Variants in CYP39A1 observed in about 807,000 individuals in gnomAD.
CYP39A1 encodes cytochrome P450 family 39 subfamily A member 1.
In CYP39A1, 49 loss-of-function variants were observed where a neutral mutation model predicts 58.1. The observed-to-expected ratio is 0.84, with a 90% confidence interval of 0.67 to 1.07. The LOEUF (loss-of-function observed/expected upper bound fraction) is 1.07, where lower values mean the gene tolerates loss of function less well. Ranked by LOEUF, CYP39A1 falls within the 50% of genes least tolerant of loss-of-function variation. The pLI, the probability that CYP39A1 is intolerant of heterozygous loss-of-function variation, is 0.00. For synonymous variants in CYP39A1, 209 were observed against 187.6 expected, an observed-to-expected ratio of 1.11 and a Z score of -0.93; for missense variants, 531 against 539.4, an observed-to-expected ratio of 0.98 and a Z score of 0.16.
At chr6:46,615,031 C>A (rs990770409) in intron 7 of CYP39A1, among the ~76,000 whole-genome samples, 1 of 152,024 alleles carries the variant, frequency 6.6e-6, no homozygotes, top group African/African-American at 2.4e-5. Flanking sequence ...GATTCAAAGT[C>A]TTGGGTTGGT....
At position 46,651,495 on chromosome 6, in the gene CYP39A1, A is replaced by C. The variant is rs900271927; in HGVS notation, c.177+911T>G. The stretch of plus-strand genomic sequence containing the variant: ...GTTGTAAATACATAGGAAAATGACC[A>C]AAATAATATAAATACACTAAATTTT... On this transcript the variant is annotated intron_variant, in intron 1 of 11. Transcript: ENST00000275016. Among the ~76,000 whole-genome samples, 9 of 152,228 alleles carry C rather than the reference A, an allele frequency of 5.9e-5. No homozygotes were observed. In the South Asian group the frequency reaches 1.4e-3, roughly 25 times the overall value.
chr6:46,614,930 C>T (rs907182609), intron 7 of CYP39A1, among the ~76,000 whole-genome samples: 4 of 152,100 alleles, frequency 2.6e-5, no homozygotes, highest in East Asian at 1.9e-4. Flanking sequence ...TACTGAATGA[C>T]GCTGTGTCCC....
At chr6:46,592,759 C>T (rs1436828503) in intron 8 of CYP39A1, among the ~76,000 whole-genome samples, 2 of 152,088 alleles carry the variant, frequency 1.3e-5, no homozygotes, top group Admixed American at 1.3e-4. Context: ...AGTTCCAGAC[C>T]AGTCTGGCCA....
Position 46,550,368 on chromosome 6 carries a change from A to G in CYP39A1, c.1408T>C (p.Ter470ArgextTer23), listed in dbSNP as rs150008929. The G allele has an allele frequency of 2.0e-5, 32 of 1,612,552 alleles. No homozygotes were observed. Among genetic ancestry groups the G allele is most frequent in the Non-Finnish European group, 2.3e-5 (27 of 1,179,338 alleles). Residue 470 changes from the stop codon to arginine (R), a stop_lost, in exon 12 of 12, where the codon TGA becomes CGA. Transcript: ENST00000275016. ...QCRIEYKQRI[*>R] ...GTCCTTGTGAGGCCCAACAGATGTC[A>G]TATTCTTTGTTTATATTCAATTCGG...
chr6:46,585,297 C>T (rs751285568), intron 10 of CYP39A1, among the ~76,000 whole-genome samples: 10 of 151,262 alleles, frequency 6.6e-5, no homozygotes, highest in Admixed American at 4.6e-4. Flanking sequence ...AGGATGATTA[C>T]AATAAATTAT....
chr6:46,580,810 C>T (rs980700234), intron 10 of CYP39A1, among the ~76,000 whole-genome samples: 4 of 152,122 alleles, frequency 2.6e-5, no homozygotes, highest in Non-Finnish European at 5.9e-5. Context: ...TAACGTCTCA[C>T]ATCATTCAGA....
intron 5 of CYP39A1, 99 bp from the exon 6 acceptor site, chr6:46,631,169 T>A: frequency 2.1e-6 from 2 of 953,148 alleles, no homozygotes; most frequent in South Asian, 3.0e-5. Context: ...ATGAAAGATA[T>A]CATTTCTGCC....
chr6:46,564,137 TCTA>T (rs1771144726), intron 10 of CYP39A1, among the ~76,000 whole-genome samples: 1 of 123,100 alleles, frequency 8.1e-6, no homozygotes, highest in African/African-American at 4.9e-5. Flanking sequence ...TCTATTTTAT[TCTA>T]TTCTATTTTA....
rs991048861 is a variant in CYP39A1, at chr6:46,558,624, G to C, written c.1251-4770C>G. Among the ~76,000 whole-genome samples, 6 of 152,250 alleles carry C rather than the reference G, an allele frequency of 3.9e-5. No homozygotes were observed. In the South Asian group the frequency reaches 1.0e-3, roughly 26 times the overall value. On this transcript the variant is annotated intron_variant, in intron 10 of 11. Transcript: ENST00000275016. ...TAATAATGCACTAATTTTACCATGA[G>C]AGAGATCAGCCTAAGTAATCTGGGG...
intron 3 of CYP39A1, 69 bp from the exon 4 acceptor site, chr6:46,638,047 A>G: frequency 2.7e-6 from 4 of 1,486,902 alleles, no homozygotes; most frequent in Non-Finnish European, 3.6e-6. Flanking sequence ...GATACAAAGC[A>G]AGGCATTATT....
chr6:46,618,512 T>A (rs1774754892), intron 7 of CYP39A1, among the ~76,000 whole-genome samples: 1 of 152,090 alleles, frequency 6.6e-6, no homozygotes, highest in Non-Finnish European at 1.5e-5. Context: ...TTTGGTAATA[T>A]ATGTTTCACC....
chr6:46,564,299 C>T (rs565346015), intron 10 of CYP39A1, among the ~76,000 whole-genome samples: 11 of 151,678 alleles, frequency 7.3e-5, no homozygotes, highest in Non-Finnish European at 1.6e-4. Flanking sequence ...TCAAGCTATT[C>T]TCTCCTGCCT....
intron 6 of CYP39A1, among the ~76,000 whole-genome samples, chr6:46,630,444 T>C (rs1263541742): frequency 6.6e-6 from 1 of 152,140 alleles, no homozygotes; most frequent in Non-Finnish European, 1.5e-5. Flanking sequence ...TTTACCCTTA[T>C]TAGGTAAAAT....
At chr6:46,619,385 T>C (rs1561997138) in intron 7 of CYP39A1, among the ~76,000 whole-genome samples, 1 of 152,150 alleles carries the variant, frequency 6.6e-6, no homozygotes, top group African/African-American at 2.4e-5. Flanking sequence ...CAACTATGTT[T>C]AGTTTCTGTT....
At position 46,602,925 on chromosome 6, in the gene CYP39A1, G is replaced by GC. The variant is rs202062660; in HGVS notation, c.932-6806_932-6805insG. 3.3e-3 allele frequency among the ~76,000 whole-genome samples: 458 copies of GC among 137,774 alleles called. 8 individuals carry two copies. The highest frequency in any genetic ancestry group is 0.019 in the East Asian group (82 of 4,212). The allele number at this position is 137,774 out of a possible 152,430, so 90.4% of individuals were successfully genotyped here. A position where few individuals can be genotyped will look rare whatever the true frequency, so the allele number is the denominator to read the frequency against. The stretch of plus-strand genomic sequence containing the variant: ...ACTGAAAGCCACTAAATATAAAATG[G>GC]GGGGGGGGAGCTTTATTTCTTCTTC... On this transcript the variant is annotated intron_variant, in intron 7 of 11. Transcript: ENST00000275016.
At chr6:46,647,702 C>A (rs1046503624) in intron 1 of CYP39A1, among the ~76,000 whole-genome samples, 1 of 152,142 alleles carries the variant, frequency 6.6e-6, no homozygotes, top group Non-Finnish European at 1.5e-5. Context: ...CACTTTGGGA[C>A]ACTGTGTTTT....
At chr6:46,597,291 GCT>G in intron 7 of CYP39A1, among the ~76,000 whole-genome samples, 1 of 152,160 alleles carries the variant, frequency 6.6e-6, no homozygotes, top group South Asian at 2.1e-4. Flanking sequence ...CGCAGCTCTT[GCT>G]TGCAATACAC....
At chr6:46,630,630 A>G (rs929117498) in intron 6 of CYP39A1, among the ~76,000 whole-genome samples, 1 of 152,178 alleles carries the variant, frequency 6.6e-6, no homozygotes, top group Admixed American at 6.5e-5. Context: ...TTTCAATACC[A>G]ATACTGAGCA....
chr6:46,616,197 TCCCTCCCTCCCTCCCTCCC>T (rs1774574975), intron 7 of CYP39A1, among the ~76,000 whole-genome samples: 8 of 1,286 alleles, frequency 6.2e-3, no homozygotes, highest in African/African-American at 0.019. Flanking sequence ...CTTCTTTCCC[TCCCTCCCTCCCTCCCTCCC>T]TCCCTCCCTC....
Sources: gnomAD v4.1 joint callset for allele counts (sites outside exome capture counted in the v4.1 genomes callset) on GRCh38, gnomAD v4.1.1 for gene constraint, MANE v1.5 for transcripts, NCBI Gene and HGNC (gene_info 2026-07-23, HGNC 2026-07-21) for gene names.